The following RP1 variants were observed in gnomAD, a reference collection of about 807,000 sequenced individuals.
The protein encoded by RP1 is oxygen-regulated protein 1.
In RP1, 16 loss-of-function variants were observed where a neutral mutation model predicts 14.8. That is an observed-to-expected ratio of 1.08 (90% CI 0.73 to 1.65). The LOEUF (loss-of-function observed/expected upper bound fraction) is 1.65, where lower values mean the gene tolerates loss of function less well. Ranked by LOEUF, RP1 falls within the 40% of genes most tolerant of loss-of-function variation. The pLI, the probability that RP1 is intolerant of heterozygous loss-of-function variation, is 0.00. For synonymous variants in RP1, 876 were observed against 883.6 expected, an observed-to-expected ratio of 0.99 and a Z score of 0.15; for missense variants, 2,631 against 2,535.0, an observed-to-expected ratio of 1.04 and a Z score of -0.81.
intron 12 of RP1, among the ~76,000 whole-genome samples, chr8:54,687,860 G>A (rs758704360): frequency 1.5e-4 from 23 of 151,924 alleles, no homozygotes; most frequent in Non-Finnish European, 2.2e-4. Context: ...TGGTATTTCT[G>A]GTTCTAGATC....
At chr8:54,695,668 C>T (rs911371551) in intron 12 of RP1, among the ~76,000 whole-genome samples, 7 of 152,084 alleles carry the variant, frequency 4.6e-5, no homozygotes, top group African/African-American at 1.7e-4. Flanking sequence ...ATCATCTGAA[C>T]AAGTCATTTG....
intron 24 of RP1, among the ~76,000 whole-genome samples, chr8:54,828,522 A>C (rs7004818): frequency 0.31 from 46,433 of 151,874 alleles, 7,288 homozygotes; most frequent in South Asian, 0.37. Context: ...CAGGAGTAGA[A>C]GCTTCCTGAA....
intron 3 of RP1, among the ~76,000 whole-genome samples, chr8:54,648,293 C>A (rs757675482): frequency 6.6e-6 from 1 of 152,072 alleles, no homozygotes; most frequent in Non-Finnish European, 1.5e-5. Context: ...AAAATTAAAT[C>A]GAAATCCTAG....
rs748386965 is a variant in RP1 at position 54,629,147 on chromosome 8, G to C, written c.5265G>C (p.Arg1755Ser). The change falls in exon 4 of 4, where the codon AGG (arginine) becomes AGC (serine). Residue 1755 changes from arginine to serine, a missense_variant. Transcript: ENST00000220676. ...TTCTGAAAGAAAATCATTTGCTAAG[G>C]ATGTCATCTGAAAATCCTGGCATGT... Reference protein sequence around the residue: ...KWLLKENHLLRMSSENPGMCG... With the variant: ...KWLLKENHLLSMSSENPGMCG... 2.5e-6 allele frequency: 4 copies of C among 1,614,094 alleles called. No individual in the cohort carries two copies. The South Asian group carries it at 3.3e-5, about 13-fold the overall frequency.
chr8:54,594,463 C>T (rs1210459617), intron 1 of RP1, among the ~76,000 whole-genome samples: 1 of 152,198 alleles, frequency 6.6e-6, no homozygotes, highest in Non-Finnish European at 1.5e-5. Context: ...TTGTTAGAAG[C>T]ACATTATTTT....
At chr8:54,722,291 T>A (rs1808555961) in intron 16 of RP1, among the ~76,000 whole-genome samples, 1 of 150,624 alleles carries the variant, frequency 6.6e-6, no homozygotes, top group Non-Finnish European at 1.5e-5. Flanking sequence ...TGTGTGTGTG[T>A]GACGGAGTCT....
intron 16 of RP1, among the ~76,000 whole-genome samples, chr8:54,725,892 A>G (rs1196658444): frequency 6.6e-6 from 1 of 152,216 alleles, no homozygotes; most frequent in Non-Finnish European, 1.5e-5. Flanking sequence ...TAAAAGGTAG[A>G]AAAGTAGCTA....
At chr8:54,825,476 T>C (rs1342872991) in intron 24 of RP1, among the ~76,000 whole-genome samples, 3 of 152,146 alleles carry the variant, frequency 2.0e-5, no homozygotes, top group African/African-American at 7.2e-5. Flanking sequence ...TTGGGCTTCA[T>C]CAGAATTAAA....
chr8:54,606,734 G>A (rs1315490833), intron 1 of RP1, among the ~76,000 whole-genome samples: 1 of 151,828 alleles, frequency 6.6e-6, no homozygotes, highest in Non-Finnish European at 1.5e-5. Flanking sequence ...TGGAGGCTTT[G>A]TTTGTTTCTT....
intron 1 of RP1, among the ~76,000 whole-genome samples, chr8:54,598,021 G>T (rs760811768): frequency 2.6e-5 from 4 of 151,756 alleles, no homozygotes; most frequent in Non-Finnish European, 5.9e-5. Flanking sequence ...TTCCCTCCCC[G>T]CACTATCGTT....
At chr8:54,689,515 T>G (rs982020631) in intron 12 of RP1, among the ~76,000 whole-genome samples, 1 of 152,062 alleles carries the variant, frequency 6.6e-6, no homozygotes, top group Non-Finnish European at 1.5e-5. Context: ...AATTACTAGG[T>G]TACAAAGGAT....
At chr8:54,560,108 A>C (rs1804251642) in intron 1 of RP1, among the ~76,000 whole-genome samples, 1 of 152,148 alleles carries the variant, frequency 6.6e-6, no homozygotes, top group Non-Finnish European at 1.5e-5. Context: ...TGGGCTGTGG[A>C]GGCTGGGGTG....
chr8:54,561,381 G>A (rs1286551024), intron 1 of RP1, among the ~76,000 whole-genome samples: 2 of 152,060 alleles, frequency 1.3e-5, no homozygotes, highest in African/African-American at 4.8e-5. Context: ...ACTTGTCATC[G>A]ACTCCACAGC....
At position 54,712,355 on chromosome 8, in the gene RP1, G is replaced by A. The variant is rs79965294; in HGVS notation, c.2211+5700G>A. Among the ~76,000 whole-genome samples, 80 of 152,272 alleles carry A rather than the reference G, an allele frequency of 5.3e-4. No individual in the cohort carries two copies. The East Asian group carries it at 0.014, about 26-fold the overall frequency. ...CACTGTGCCAAGATGCCATATTTTA[G>A]GGTAGTGTTTCCTGCATTCCATCAT... On this transcript the variant is annotated intron_variant, in intron 15 of 22. Coordinates refer to the RP1 transcript ENST00000636932.
chr8:54,754,968 A>G (rs753843693), intron 20 of RP1: 2 of 1,452,226 alleles, frequency 1.4e-6, no homozygotes, highest in Non-Finnish European at 1.8e-6. Flanking sequence ...CATCTATTCC[A>G]TAGACAAATT....
chr8:54,661,739 T>C (rs1806903197), intron 6 of RP1, among the ~76,000 whole-genome samples: 1 of 152,160 alleles, frequency 6.6e-6, no homozygotes, highest in African/African-American at 2.4e-5. Flanking sequence ...TTCACGCCCA[T>C]GAATATCAGG....
chr8:54,818,693 C>A (rs551766538), intron 24 of RP1, among the ~76,000 whole-genome samples: 6 of 152,166 alleles, frequency 3.9e-5, no homozygotes, highest in African/African-American at 1.4e-4. Flanking sequence ...TTTATGCCCA[C>A]TGGAGAAAGG....
chr8:54,703,456 A>G (rs1292436043), intron 14 of RP1, among the ~76,000 whole-genome samples: 2 of 152,182 alleles, frequency 1.3e-5, no homozygotes, highest in Non-Finnish European at 2.9e-5. Context: ...GAAAATACTC[A>G]GTAAACGATG....
intron 19 of RP1, among the ~76,000 whole-genome samples, chr8:54,745,824 T>C (rs1266007750): frequency 6.6e-6 from 1 of 152,156 alleles, no homozygotes; most frequent in African/African-American, 2.4e-5. Flanking sequence ...TTAATATCAG[T>C]GCACTTTTTC....
Sources: gnomAD v4.1 joint callset for allele counts (sites outside exome capture counted in the v4.1 genomes callset) on GRCh38, gnomAD v4.1.1 for gene constraint, MANE v1.5 for transcripts, NCBI Gene and HGNC (gene_info 2026-07-23, HGNC 2026-07-21) for gene names.